Variants in CXCL13 observed in about 807,000 individuals in gnomAD.
The protein encoded by CXCL13 is C-X-C motif chemokine ligand 13.
A neutral mutation model predicts 12.2 loss-of-function variants in CXCL13; 7 were observed. The observed-to-expected ratio is 0.57, with a 90% confidence interval of 0.33 to 1.07. The LOEUF (loss-of-function observed/expected upper bound fraction) is 1.07, where lower values mean the gene tolerates loss of function less well. CXCL13 is among the 50% of genes least tolerant of loss of function. The pLI is 0.04. For synonymous variants in CXCL13, 47 were observed against 42.4 expected (o/e 1.11, Z -0.42); for missense variants, 113 against 127.4 (o/e 0.89, Z 0.55).
intron 1 of CXCL13, among the ~76,000 whole-genome samples, chr4:77,574,174 GTTGT>G (rs1402860401): frequency 1.2e-4 from 18 of 151,828 alleles, no homozygotes; most frequent in South Asian, 1.0e-3. Flanking sequence ...CTTGTTTTTT[GTTGT>G]TTGTTTGTTT....
chr4:77,522,186 G>C (rs932167353), intron 1 of CXCL13, among the ~76,000 whole-genome samples: 1 of 152,172 alleles, frequency 6.6e-6, no homozygotes, highest in Non-Finnish European at 1.5e-5. Context: ...AGTGTTTTCT[G>C]TTGATTTGGG....
At chr4:77,558,194 G>T (rs539987269) in intron 1 of CXCL13, among the ~76,000 whole-genome samples, 1 of 152,308 alleles carries the variant, frequency 6.6e-6, no homozygotes, top group East Asian at 1.9e-4. Context: ...AGATGCCTCT[G>T]GCTGTTTTTG....
intron 1 of CXCL13, among the ~76,000 whole-genome samples, chr4:77,575,063 G>T (rs1235734887): frequency 6.6e-6 from 1 of 151,880 alleles, no homozygotes; most frequent in East Asian, 1.9e-4. Flanking sequence ...TTCTGTGTGT[G>T]AACATATTAA....
chr4:77,592,236 AAT>A (rs1726630818), intron 1 of CXCL13, among the ~76,000 whole-genome samples: 1 of 152,260 alleles, frequency 6.6e-6, no homozygotes, highest in Non-Finnish European at 1.5e-5. Flanking sequence ...GCTTATACAC[AAT>A]AGAGTACTAT....
chr4:77,557,384 T>C (rs1050434225), intron 1 of CXCL13, among the ~76,000 whole-genome samples: 3 of 152,160 alleles, frequency 2.0e-5, no homozygotes, highest in Non-Finnish European at 4.4e-5. Context: ...TTTTCATCCA[T>C]CTTTGGCCTC....
intron 1 of CXCL13, among the ~76,000 whole-genome samples, chr4:77,593,823 C>T (rs1165092101): frequency 6.6e-6 from 1 of 152,168 alleles, no homozygotes; most frequent in Non-Finnish European, 1.5e-5. Flanking sequence ...AAAGCTCTGT[C>T]ATCAACCAGT....
At chr4:77,562,366 C>T (rs556488719) in intron 1 of CXCL13, among the ~76,000 whole-genome samples, 31 of 152,090 alleles carry the variant, frequency 2.0e-4, no homozygotes, top group African/African-American at 4.3e-4. Context: ...CCACCTGCAC[C>T]GGGGTGCAGG....
rs3048191 is a variant in CXCL13 at position 77,573,362 on chromosome 4, TTGTGTGTGTGTGTGTG to T, written c.-42-32428_-42-32413del. On this transcript the variant is annotated intron_variant, in intron 1 of 4. Transcript: ENST00000286758. The stretch of plus-strand genomic sequence containing the variant: ...CCAAGAAAAAAAGCTATTGGGTCTT[TTGTGTGTGTGTGTGTG>T]TGTGTGTGTGTGTGTGTGTGTGTGT... Among the ~76,000 whole-genome samples, 149 of 134,986 alleles carry T rather than the reference TTGTGTGTGTGTGTGTG, an allele frequency of 1.1e-3. 3 individuals carry two copies. The East Asian group carries it at 0.022, about 20-fold the overall frequency. The allele number at this position is 134,986 out of a possible 152,430, so 88.6% of individuals were successfully genotyped here.
intron 1 of CXCL13, among the ~76,000 whole-genome samples, chr4:77,594,162 G>A (rs1415127209): frequency 6.6e-6 from 1 of 152,218 alleles, no homozygotes; most frequent in Admixed American, 6.5e-5. Flanking sequence ...TTTAATCAAG[G>A]GAGCTGGCTT....
chr4:77,555,978 G>T (rs1725647545), intron 1 of CXCL13, among the ~76,000 whole-genome samples: 1 of 152,190 alleles, frequency 6.6e-6, no homozygotes. Flanking sequence ...AGGTTATGGA[G>T]CCACTGAAAC....
chr4:77,517,327 T>C (rs1019997757), intron 1 of CXCL13, among the ~76,000 whole-genome samples: 5 of 152,310 alleles, frequency 3.3e-5, no homozygotes, highest in Non-Finnish European at 7.3e-5. Context: ...TTAGGTCCAC[T>C]TGGTGCAGAG....
Position 77,610,695 on chromosome 4 carries a change from G to A in CXCL13, c.278+1G>A. 2 of 1,608,416 alleles carry A rather than the reference G, an allele frequency of 1.2e-6. No individual in the cohort carries two copies. The highest frequency in any genetic ancestry group is 1.7e-4 in the Middle Eastern group (1 of 6,050). On this transcript the variant is annotated splice_donor_variant, in intron 3 of 3. Transcript: ENST00000682537. LOFTEE classifies it high-confidence loss of function. ...AAAGAATGATGGAAGTATTGAGAAA[G>A]TAAGTTAGGCATAACAAGGGGTTTC...
chr4:77,518,267 T>C (rs1434722582), intron 1 of CXCL13, among the ~76,000 whole-genome samples: 2 of 152,228 alleles, frequency 1.3e-5, no homozygotes, highest in Non-Finnish European at 2.9e-5. Context: ...CTGACAATTC[T>C]GTGTCTTGGA....
intron 1 of CXCL13, among the ~76,000 whole-genome samples, chr4:77,568,690 A>T (rs112652548): frequency 9.6e-4 from 146 of 151,740 alleles, no homozygotes; most frequent in Non-Finnish European, 1.7e-3. Flanking sequence ...TGGTGTGAGG[A>T]TCTTCACTGG....
intron 1 of CXCL13, among the ~76,000 whole-genome samples, chr4:77,528,330 C>A (rs1201994339): frequency 6.6e-6 from 1 of 152,138 alleles, no homozygotes; most frequent in Non-Finnish European, 1.5e-5. Context: ...ATTTCTAGTT[C>A]TAGATCCCTG....
At chr4:77,607,004 G>A (rs967363463) in intron 1 of CXCL13, among the ~76,000 whole-genome samples, 5 of 152,128 alleles carry the variant, frequency 3.3e-5, no homozygotes, top group Admixed American at 6.5e-5. Flanking sequence ...GTTCTGTAAT[G>A]ATTTGCAACC....
At chr4:77,532,502 G>GA (rs1724952688) in intron 1 of CXCL13, among the ~76,000 whole-genome samples, 2 of 152,082 alleles carry the variant, frequency 1.3e-5, no homozygotes, top group Non-Finnish European at 2.9e-5. Flanking sequence ...TTCAACTTTG[G>GA]TGAATCTGAC....
intron 1 of CXCL13, among the ~76,000 whole-genome samples, chr4:77,520,076 C>G (rs1273226007): frequency 6.6e-6 from 1 of 152,100 alleles, no homozygotes; most frequent in Non-Finnish European, 1.5e-5. Flanking sequence ...TGGTCTATAT[C>G]TCTGTTTTGG....
intron 1 of CXCL13, among the ~76,000 whole-genome samples, chr4:77,518,402 T>C (rs961621145): frequency 3.9e-5 from 6 of 152,210 alleles, no homozygotes; most frequent in Admixed American, 1.3e-4. Context: ...TCCAACTTGG[T>C]TCCATTCTCC....
Sources: gnomAD v4.1 joint callset for allele counts (sites outside exome capture counted in the v4.1 genomes callset) on GRCh38, gnomAD v4.1.1 for gene constraint, MANE v1.5 for transcripts, NCBI Gene and HGNC (gene_info 2026-07-23, HGNC 2026-07-21) for gene names.